The following PLCB1 variants were observed in gnomAD, a reference collection of about 807,000 sequenced individuals.
The protein encoded by PLCB1 is phospholipase C beta 1, also known as 1-phosphatidylinositol 4,5-bisphosphate phosphodiesterase beta-1.
A neutral mutation model predicts 161.8 loss-of-function variants in PLCB1; 46 were observed. That is an observed-to-expected ratio of 0.28 (90% CI 0.22 to 0.36). The LOEUF (loss-of-function observed/expected upper bound fraction) is 0.36, where lower values mean the gene tolerates loss of function less well. Among genes scored for constraint, PLCB1 ranks in the 10% least tolerant of loss-of-function variants. The pLI, the probability that PLCB1 is intolerant of heterozygous loss-of-function variation, is 1.00. For synonymous variants in PLCB1, 517 were observed against 503.7 expected, an observed-to-expected ratio of 1.03 and a Z score of -0.35; for missense variants, 1,016 against 1,472.5, an observed-to-expected ratio of 0.69 and a Z score of 5.07.
intron 31 of PLCB1, among the ~76,000 whole-genome samples, chr20:8,848,706 C>A (rs1986780694): frequency 6.6e-6 from 1 of 152,140 alleles, no homozygotes; most frequent in Non-Finnish European, 1.5e-5. Flanking sequence ...GCTGGGGGGC[C>A]ATGAGGGCCC....
rs141557702 is a variant in PLCB1, at chr20:8,672,645, A to G, written c.863-12287A>G. ...CTTCCAGAGACCTTAGCAATGTGCC[A>G]TGAGTTGTATTTAGGGATTAGTTTT... On this transcript the variant is annotated intron_variant, in intron 9 of 31. Transcript: ENST00000338037. Among the ~76,000 whole-genome samples, 416 of 152,228 alleles carry G rather than the reference A, an allele frequency of 2.7e-3. 3 individuals are homozygous for G. The highest frequency in any genetic ancestry group is 2.4e-3 in the Non-Finnish European group (165 of 68,014).
At chr20:8,711,823 G>C (rs1455676115) in intron 12 of PLCB1, among the ~76,000 whole-genome samples, 3 of 152,108 alleles carry the variant, frequency 2.0e-5, no homozygotes, top group African/African-American at 7.2e-5. Flanking sequence ...ACTAACCCTA[G>C]AAATAACCTC....
intron 31 of PLCB1, among the ~76,000 whole-genome samples, chr20:8,803,232 T>G (rs962936676): frequency 1.3e-5 from 2 of 151,904 alleles, no homozygotes; most frequent in African/African-American, 4.8e-5. Context: ...GATGTCTGAG[T>G]GGGGCCGGAA....
intron 31 of PLCB1, among the ~76,000 whole-genome samples, chr20:8,815,689 C>T (rs761835170): frequency 3.9e-5 from 6 of 152,110 alleles, no homozygotes; most frequent in Non-Finnish European, 8.8e-5. Flanking sequence ...CTTCTCCCAA[C>T]CATAATGCAT....
chr20:8,626,548 C>T (rs1266863630), intron 3 of PLCB1, among the ~76,000 whole-genome samples: 1 of 151,994 alleles, frequency 6.6e-6, no homozygotes, highest in Non-Finnish European at 1.5e-5. Flanking sequence ...GAGAAAAAAG[C>T]CGGAGAATGA....
intron 3 of PLCB1, among the ~76,000 whole-genome samples, chr20:8,382,283 CTTTTTTT>C (rs71331303): frequency 1.5e-5 from 2 of 130,570 alleles, no homozygotes; most frequent in Admixed American, 7.8e-5. Context: ...GTTTCTTTTT[CTTTTTTT>C]TTTTTTTTTT....
At chr20:8,720,841 C>T (rs1430114597) in intron 14 of PLCB1, among the ~76,000 whole-genome samples, 2 of 126,088 alleles carry the variant, frequency 1.6e-5, no homozygotes, top group Non-Finnish European at 3.4e-5. Flanking sequence ...AGAATCCCCT[C>T]TCTGATTTTT....
At chr20:8,777,718 CAA>C (rs36103446) in intron 27 of PLCB1, among the ~76,000 whole-genome samples, 261 of 135,858 alleles carry the variant, frequency 1.9e-3, no homozygotes, top group Middle Eastern at 3.9e-3. Context: ...GACTCCATCT[CAA>C]AAAAAAAAAA....
At chr20:8,445,961 C>T (rs543695203) in intron 3 of PLCB1, among the ~76,000 whole-genome samples, 3 of 152,210 alleles carry the variant, frequency 2.0e-5, no homozygotes, top group South Asian at 2.1e-4. Flanking sequence ...GATTCACAGC[C>T]GAATTCTACC....
At chr20:8,810,138 C>T (rs1984740744) in intron 31 of PLCB1, among the ~76,000 whole-genome samples, 1 of 152,168 alleles carries the variant, frequency 6.6e-6, no homozygotes, top group Non-Finnish European at 1.5e-5. Context: ...CACACCATCC[C>T]CAAACAAGTA....
At chr20:8,804,271 T>C (rs545479520) in intron 31 of PLCB1, among the ~76,000 whole-genome samples, 2 of 152,324 alleles carry the variant, frequency 1.3e-5, no homozygotes, top group South Asian at 2.1e-4. Context: ...CTGTGCTCTT[T>C]CAGGCTTGTA....
chr20:8,777,222 T>C (rs538393476), intron 27 of PLCB1, among the ~76,000 whole-genome samples: 1 of 152,202 alleles, frequency 6.6e-6, no homozygotes, highest in East Asian at 1.9e-4. Context: ...TGTTGGAAGC[T>C]TTTGAGCAGA....
chr20:8,239,830 TGTAAAATGG>T (rs1451682203), intron 2 of PLCB1, among the ~76,000 whole-genome samples: 1 of 152,034 alleles, frequency 6.6e-6, no homozygotes, highest in African/African-American at 2.4e-5. Flanking sequence ...ACTAATGCAC[TGTAAAATGG>T]GTTTTTGTTG....
intron 2 of PLCB1, among the ~76,000 whole-genome samples, chr20:8,162,571 C>G (rs2051636990): frequency 6.6e-6 from 1 of 152,174 alleles, no homozygotes; most frequent in Non-Finnish European, 1.5e-5. Context: ...ATTCACATTT[C>G]TCCTGTTAGA....
At chr20:8,175,881 A>G (rs1434085613) in intron 2 of PLCB1, among the ~76,000 whole-genome samples, 2 of 152,230 alleles carry the variant, frequency 1.3e-5, no homozygotes, top group African/African-American at 2.4e-5. Context: ...TAAGTAGACA[A>G]TCCACTAAAG....
At chr20:8,208,417 G>T (rs927504116) in intron 2 of PLCB1, among the ~76,000 whole-genome samples, 1 of 151,858 alleles carries the variant, frequency 6.6e-6, no homozygotes, top group East Asian at 1.9e-4. Context: ...GGGAGGAGGC[G>T]GTCATTTTCC....
At chr20:8,369,399 C>T (rs1986828534) in intron 2 of PLCB1, among the ~76,000 whole-genome samples, 2 of 152,226 alleles carry the variant, frequency 1.3e-5, no homozygotes, top group Non-Finnish European at 2.9e-5. Context: ...TACTGTTTCT[C>T]CTCTTCCAGC....
At chr20:8,556,329 G>A (rs1985951014) in intron 3 of PLCB1, among the ~76,000 whole-genome samples, 1 of 151,984 alleles carries the variant, frequency 6.6e-6, no homozygotes, top group African/African-American at 2.4e-5. Context: ...CAGCCATGTA[G>A]AGGACATTCC....
intron 2 of PLCB1, among the ~76,000 whole-genome samples, chr20:8,167,639 T>G (rs1175566286): frequency 6.6e-6 from 1 of 152,242 alleles, no homozygotes. Context: ...TATAATTAAA[T>G]CTGCTTTACA....
Sources: allele counts gnomAD v4.1 joint callset (sites outside exome capture counted in the v4.1 genomes callset), GRCh38; gene constraint gnomAD v4.1.1; transcripts MANE v1.5; gene names NCBI Gene and HGNC (gene_info 2026-07-23, HGNC 2026-07-21).